AZGP1: variants seen among roughly 807,000 people sequenced by gnomAD.
The protein encoded by AZGP1 is zinc-alpha-2-glycoprotein.
AZGP1 carries 28 observed loss-of-function variants against 31.5 expected under a neutral mutation model. The ratio of observed to expected loss-of-function variants is 0.89; its 90% CI spans 0.66 to 1.22. AZGP1 has a LOEUF of 1.22. Ranked by LOEUF, AZGP1 falls within the 50% of genes most tolerant of loss-of-function variation. AZGP1 has a pLI of 0.00. For missense variants in AZGP1, 361 were observed against 371.8 expected, an observed-to-expected ratio of 0.97 and a Z score of 0.24; for synonymous variants, 135 against 145.4, an observed-to-expected ratio of 0.93 and a Z score of 0.51.
chr7:99,972,988 G>A (rs1016307778), intron 1 of AZGP1, among the ~76,000 whole-genome samples: 2 of 151,984 alleles, frequency 1.3e-5, no homozygotes, highest in African/African-American at 4.8e-5. Context: ...ATGGTGGCGG[G>A]TGCCTGTAGT....
rs776194676 is a variant in AZGP1, at chr7:99,967,118, G to A, written c.782C>T (p.Thr261Ile). The A allele has an allele frequency of 1.2e-6, 2 of 1,614,208 alleles. No homozygotes were observed. The highest frequency in any genetic ancestry group is 1.3e-5 in the African/African-American group (1 of 75,050). The change falls in exon 4 of 4, where the codon ACT becomes ATT. Residue 261 changes from threonine to isoleucine, a missense_variant. Transcript: ENST00000292401. ...TGCCACCACCACCCAGGACTGGTAA[G>A]TGCCATTTCCATTGTGAAGAACATC... is the stretch of plus-strand genomic sequence containing the variant. ...RGDVLHNGNG[T>I]YQSWVVVAVP...
At chr7:99,973,905 C>CAA (rs199566652) in intron 1 of AZGP1, among the ~76,000 whole-genome samples, 16 of 58,024 alleles carry the variant, frequency 2.8e-4, no homozygotes, top group South Asian at 5.5e-4. Flanking sequence ...AACTCTGTCA[C>CAA]AAAAAAAAAA....
chr7:99,970,967 C>G (rs1789567254), intron 2 of AZGP1, among the ~76,000 whole-genome samples: 2 of 152,210 alleles, frequency 1.3e-5, no homozygotes, highest in South Asian at 4.1e-4. Flanking sequence ...GGCTCTGCCA[C>G]CAGCTCCTCT....
chr7:99,971,691 G>T (rs181767555), intron 2 of AZGP1, 55 bp downstream of exon 2: 641 of 1,570,312 alleles, frequency 4.1e-4, no homozygotes, highest in Middle Eastern at 1.2e-3. Flanking sequence ...ACTCACACTG[G>T]GGGGGCTGCC....
At chr7:99,970,517 A>T (rs1789560531) in intron 2 of AZGP1, among the ~76,000 whole-genome samples, 1 of 152,124 alleles carries the variant, frequency 6.6e-6, no homozygotes, top group African/African-American at 2.4e-5. Flanking sequence ...TGCTGGGATT[A>T]CAAGAGTGAG....
intron 2 of AZGP1, 75 bp downstream of exon 2, chr7:99,971,671 A>G: frequency 6.6e-7 from 1 of 1,516,332 alleles, no homozygotes; most frequent in Non-Finnish European, 9.0e-7. Flanking sequence ...CATCCTGCTG[A>G]TCCCTTGCCA....
chr7:99,975,459 G>C (rs1327240424), intron 1 of AZGP1, among the ~76,000 whole-genome samples: 1 of 152,052 alleles, frequency 6.6e-6, no homozygotes, highest in Non-Finnish European at 1.5e-5. Context: ...TCGCCTTCCA[G>C]ACCCACTGCA....
At chr7:99,970,285 C>T (rs2527917) in intron 2 of AZGP1, among the ~76,000 whole-genome samples, 79,480 of 151,946 alleles carry the variant, frequency 0.52, 21,484 homozygotes, top group African/African-American at 0.65. Flanking sequence ...CTCTTGTCAC[C>T]CAGGCTGTAG....
At chr7:99,971,713 A>G (rs1461292742) in intron 2 of AZGP1, 33 bp downstream of exon 2, 1 of 1,600,498 alleles carries the variant, frequency 6.2e-7, no homozygotes, top group South Asian at 1.1e-5. Context: ...CTTGGGTTAG[A>G]CCTTCCACCC....
Position 99,967,466 on chromosome 7 carries a change from C to T in AZGP1, c.614-180G>A, listed in dbSNP as rs568926925. On this transcript the variant is annotated intron_variant, in intron 3 of 3. Transcript: ENST00000292401. The stretch of plus-strand genomic sequence containing the variant: ...GGAAGGCTGACGCTTTCCCTCTTGC[C>T]CAATCCCCACCTCACCCATGTATTG... 1.3e-4 allele frequency: 87 copies of T among 656,404 alleles called. No individual in the cohort carries two copies. The East Asian group carries it at 2.3e-3, about 17-fold the overall frequency. The allele number at this position is 656,404 out of a possible 1,614,324, so 40.7% of individuals were successfully genotyped here.
In AZGP1 at chr7:99,967,079, T is replaced by A. The variant is rs376472652; in HGVS notation, c.821A>T (p.Asp274Val). 108 of 1,614,030 alleles carry A rather than the reference T, an allele frequency of 6.7e-5. No homozygotes were observed. Among genetic ancestry groups the A allele is most frequent in the Non-Finnish European group, 9.0e-5 (106 of 1,180,042 alleles). ...SWVVVAVPPQ[D>V]TAPYSCHVQH... is the part of the protein sequence containing the mutation. ...CACGTGGCAGGAGTAGGGGGCTGTG[T>A]CCTGCGGGGGCACTGCCACCACCAC... Residue 274 changes from aspartate to valine, a missense_variant, in exon 4 of 4, where the codon GAC (aspartate) becomes GTC (valine). By Grantham distance (152) the Asp-to-Val change is radical. Coordinates refer to ENST00000292401, the MANE Select transcript of AZGP1 (RefSeq NM_001185.4).
intron 3 of AZGP1, chr7:99,967,574 C>T: frequency 2.0e-6 from 1 of 507,954 alleles, no homozygotes; most frequent in Non-Finnish European, 3.5e-6. Context: ...GTTCTGTCCC[C>T]CAGTCTCAGT....
chr7:99,969,609 A>C (rs889550810), intron 2 of AZGP1, among the ~76,000 whole-genome samples: 2 of 151,884 alleles, frequency 1.3e-5, no homozygotes, highest in Non-Finnish European at 2.9e-5. Context: ...GAATATGAAT[A>C]TATTTCTATC....
Position 99,968,053 on chromosome 7 carries a change from T to C in AZGP1, c.613+102A>G, listed in dbSNP as rs751670590. The C allele has an allele frequency of 2.0e-6, 3 of 1,464,404 alleles. No individual in the cohort carries two copies. The South Asian group carries it at 3.4e-5, about 17-fold the overall frequency. The allele number at this position is 1,464,404 out of a possible 1,614,324, so 90.7% of individuals were successfully genotyped here. On this transcript the variant is annotated intron_variant, in intron 3 of 3. Transcript: ENST00000292401. ...ATGAAAGCTGGGGGTCTGAGGGACATCCAGGAACAGATGAGACCGGACTAA... is the reference window on the plus strand; with the variant it reads ...ATGAAAGCTGGGGGTCTGAGGGACACCCAGGAACAGATGAGACCGGACTAA...
Position 99,966,933 on chromosome 7 carries a change from C to G in AZGP1, c.*70G>C. On this transcript the variant is annotated 3_prime_UTR_variant, in exon 4 of 4. Transcript: ENST00000292401. ...TCCATTGACTGTGATTTCTGTGGTT[C>G]AGCTCCCACATCAGGCAGGAAGGGC... 1 of 1,551,514 alleles carries G rather than the reference C, an allele frequency of 6.4e-7. No individual in the cohort carries two copies. Among genetic ancestry groups the G allele is most frequent in the Non-Finnish European group, 8.8e-7 (1 of 1,142,460 alleles).
chr7:99,968,564 C>T (rs1033361415), intron 2 of AZGP1, 134 bp from the exon 3 acceptor site: 1 of 1,117,302 alleles, frequency 9.0e-7, no homozygotes, highest in Non-Finnish European at 1.3e-6. Flanking sequence ...ATCCCTTTAT[C>T]AAGACAAATA....
chr7:99,970,152 G>C (rs1445882690), intron 2 of AZGP1, among the ~76,000 whole-genome samples: 1 of 152,078 alleles, frequency 6.6e-6, no homozygotes, highest in Non-Finnish European at 1.5e-5. Context: ...CTGTTTTAGG[G>C]GGCTATTCTG....
intron 1 of AZGP1, 103 bp from the exon 2 acceptor site, chr7:99,972,109 A>G: frequency 7.4e-7 from 1 of 1,349,760 alleles, no homozygotes. Context: ...TTTCTTCCCC[A>G]GCTCTTTCTC....
chr7:99,975,842 C>A, intron 1 of AZGP1, 103 bp downstream of exon 1: 1 of 1,300,086 alleles, frequency 7.7e-7, no homozygotes, highest in Non-Finnish European at 1.1e-6. Context: ...CTGCCGTATG[C>A]CAGGGTATCC....
Sources: allele counts gnomAD v4.1 joint callset (sites outside exome capture counted in the v4.1 genomes callset), GRCh38; gene constraint gnomAD v4.1.1; transcripts MANE v1.5; gene names NCBI Gene and HGNC (gene_info 2026-07-23, HGNC 2026-07-21).